OSBPL5: variants seen among roughly 807,000 people sequenced by gnomAD.
OSBPL5 encodes the protein oxysterol-binding protein-related protein 5.
OSBPL5 carries 71 observed loss-of-function variants against 111.2 expected under a neutral mutation model. That is an observed-to-expected ratio of 0.64 (90% CI 0.53 to 0.78). OSBPL5 has a LOEUF of 0.78. Ranked by LOEUF, OSBPL5 falls within the 30% of genes least tolerant of loss-of-function variation. The probability of loss-of-function intolerance (pLI) is 0.00; values close to 1 mark genes in which losing one functional copy is unlikely to be tolerated. For synonymous variants in OSBPL5, 549 were observed against 513.9 expected, an observed-to-expected ratio of 1.07 and a Z score of -0.93; for missense variants, 1,210 against 1,189.3, an observed-to-expected ratio of 1.02 and a Z score of -0.26.
rs1254724973 is a variant in OSBPL5 at position 3,146,812 on chromosome 11, G to C, written c.-21-17643C>G. Among the ~76,000 whole-genome samples the C allele has an allele frequency of 6.6e-6, 1 of 152,116 alleles. No homozygotes were observed. Among genetic ancestry groups the C allele is most frequent in the Non-Finnish European group, 1.5e-5 (1 of 68,010 alleles). ...GCCTGGCACAGGGCAGCAGACTGCAGGGTCCCTGGCAGCCAGATCCCCTTC... is the reference window on the plus strand; with the variant it reads ...GCCTGGCACAGGGCAGCAGACTGCACGGTCCCTGGCAGCCAGATCCCCTTC... On this transcript the variant is annotated intron_variant, in intron 1 of 21. Coordinates refer to ENST00000263650, the MANE Select transcript of OSBPL5 (RefSeq NM_020896.4). The surrounding 1 kb of genome is among the most constrained non-coding windows in gnomAD (Gnocchi z 7.8).
chr11:3,148,902 G>C (rs77422413), intron 1 of OSBPL5, among the ~76,000 whole-genome samples: 1 of 152,236 alleles, frequency 6.6e-6, no homozygotes, highest in Non-Finnish European at 1.5e-5. Context: ...AGGGGATTAA[G>C]ACTCAGGATG....
At chr11:3,143,345 G>T (rs943109780) in intron 1 of OSBPL5, among the ~76,000 whole-genome samples, 2 of 152,108 alleles carry the variant, frequency 1.3e-5, no homozygotes, top group African/African-American at 4.8e-5. Flanking sequence ...GGGCGAAAAC[G>T]CACGGACGCG....
rs1427518187 is a variant in OSBPL5, at chr11:3,130,251, C to A, written c.-21-1082G>T. 6.6e-6 allele frequency among the ~76,000 whole-genome samples: 1 copy of A among 152,232 alleles called. No homozygotes were observed. The highest frequency in any genetic ancestry group is 2.4e-5 in the African/African-American group (1 of 41,460). On this transcript the variant is annotated intron_variant, in intron 1 of 21. Transcript: ENST00000263650. The surrounding 1 kb of genome is among the most constrained non-coding windows in gnomAD (Gnocchi z 4.5). ...TCCCCTCCAGCTTCTCATCTTGTGT[C>A]CACTTCCCAAGGGCGAGCTCCTTAA...
chr11:3,107,139 G>A lies in OSBPL5; in HGVS notation c.1059+124C>T. ...CTCCTGGACTCACTGCCAAGTGATG[G>A]GGACAAAAGCTACCCCCTGGGCCCT... On this transcript the variant is annotated intron_variant, in intron 9 of 21. Coordinates refer to ENST00000263650, the MANE Select transcript of OSBPL5 (RefSeq NM_020896.4). This position sits in a 1 kb window ranked among gnomAD's most constrained non-coding sequence, Gnocchi z 6.1. 5.8e-6 allele frequency: 6 copies of A among 1,028,554 alleles called. No homozygotes were observed. In the South Asian group the frequency reaches 8.2e-5, roughly 14 times the overall value. The allele number at this position is 1,028,554 out of a possible 1,614,324, so 63.7% of individuals were successfully genotyped here. A position where few individuals can be genotyped will look rare whatever the true frequency, so the allele number is the denominator to read the frequency against.
intron 4 of OSBPL5, 111 bp from the exon 5 acceptor site, chr11:3,122,209 A>G: frequency 7.6e-7 from 1 of 1,318,856 alleles, no homozygotes; most frequent in African/African-American, 1.5e-5. Context: ...GAGAGGAAGT[A>G]GGAGGAAGTA....
chr11:3,159,612 G>A (rs532401224), intron 1 of OSBPL5, among the ~76,000 whole-genome samples: 2 of 152,346 alleles, frequency 1.3e-5, no homozygotes, highest in African/African-American at 2.4e-5. Context: ...TGGGACCAAT[G>A]CCAAGTTCAG....
At chr11:3,111,705 G>A (rs1304016656) in intron 7 of OSBPL5, among the ~76,000 whole-genome samples, 1 of 151,538 alleles carries the variant, frequency 6.6e-6, no homozygotes, top group Non-Finnish European at 1.5e-5. Flanking sequence ...GTGGCGTGAT[G>A]GGGGGAGAAA....
At position 3,121,202 on chromosome 11, in the gene OSBPL5, C is replaced by T. The variant is rs758617137; in HGVS notation, c.403-578G>A. Among the ~76,000 whole-genome samples, 7 of 151,852 alleles carry T rather than the reference C, an allele frequency of 4.6e-5. No homozygotes were observed. Among genetic ancestry groups the T allele is most frequent in the Non-Finnish European group, 1.0e-4 (7 of 67,956 alleles). On this transcript the variant is annotated intron_variant, in intron 5 of 21. Coordinates refer to ENST00000263650, the MANE Select transcript of OSBPL5 (RefSeq NM_020896.4). This position sits in a 1 kb window ranked among gnomAD's most constrained non-coding sequence, Gnocchi z 4.3. ...CCGCCCGAGTAGCTGGGATTACAGG[C>T]GCCCGCCACCATGCCTGGCTAATTT... is the stretch of plus-strand genomic sequence containing the variant.
intron 2 of OSBPL5, among the ~76,000 whole-genome samples, chr11:3,127,400 C>T (rs1858664895): frequency 2.6e-5 from 4 of 152,242 alleles, no homozygotes; most frequent in Non-Finnish European, 4.4e-5. Context: ...GGTCTATAGC[C>T]GTCCTTCCCT....
At chr11:3,128,658 G>C (rs1196595082) in intron 2 of OSBPL5, among the ~76,000 whole-genome samples, 2 of 152,066 alleles carry the variant, frequency 1.3e-5, no homozygotes, top group African/African-American at 4.8e-5. Flanking sequence ...CAAGTAGCTG[G>C]CCTGGGGTTA....
At chr11:3,093,106 G>A in intron 17 of OSBPL5, 54 bp from the exon 18 acceptor site, 2 of 1,446,452 alleles carry the variant, frequency 1.4e-6, no homozygotes, top group South Asian at 1.4e-5. Context: ...CGACCCCTAG[G>A]CAGCTAGGAA....
intron 1 of OSBPL5, among the ~76,000 whole-genome samples, chr11:3,160,329 G>C (rs1846917558): frequency 6.6e-6 from 1 of 152,200 alleles, no homozygotes; most frequent in Admixed American, 6.5e-5. Context: ...AGGACGCCTG[G>C]ACCCTTTAAA....
intron 14 of OSBPL5, 110 bp from the exon 15 acceptor site, chr11:3,094,444 C>G: frequency 1.2e-6 from 1 of 806,904 alleles, no homozygotes; most frequent in Non-Finnish European, 2.0e-6. Context: ...CCCAGCAGCA[C>G]CGATCCCTGG....
At chr11:3,131,927 G>GTCCATCCA (rs532838844) in intron 1 of OSBPL5, among the ~76,000 whole-genome samples, 1 of 23,452 alleles carries the variant, frequency 4.3e-5, no homozygotes, top group East Asian at 1.7e-3. Flanking sequence ...CCATCCTCCT[G>GTCCATCCA]TCCATCCATC....
At chr11:3,095,241 G>A (rs1857213305) in intron 14 of OSBPL5, among the ~76,000 whole-genome samples, 1 of 150,766 alleles carries the variant, frequency 6.6e-6, no homozygotes. Flanking sequence ...GGCCCAGGAG[G>A]CGGAGGTTGT....
chr11:3,088,481 G>T, intron 21 of OSBPL5, 138 bp from the exon 22 acceptor site: 1 of 1,024,536 alleles, frequency 9.8e-7, no homozygotes, highest in Non-Finnish European at 1.3e-6. Context: ...CCCTCCAGGG[G>T]CAACAGAGCG....
Position 3,107,823 on chromosome 11 carries a change from G to A in OSBPL5, c.814C>T (p.Leu272Phe), listed in dbSNP as rs1857763033. The change falls in exon 8 of 22, where the codon CTC (leucine) becomes TTC (phenylalanine). Residue 272 changes from leucine (L) to phenylalanine (F), a missense_variant. Leu to Phe is a conservative substitution (Grantham distance 22). Transcript: ENST00000263650. This position sits in a 1 kb window ranked among gnomAD's most constrained non-coding sequence, Gnocchi z 6.1. ...GTSPDASPSS[L>F]CGLPASATVH... ...GTGGCTGAGGCTGGCAGCCCACAGA[G>A]CGATGAGGGTGATGCGTCTGGCGAG... The A allele has an allele frequency of 6.2e-7, 1 of 1,612,512 alleles. No homozygotes were observed. The highest frequency in any genetic ancestry group is 1.1e-5 in the South Asian group (1 of 91,086).
rs573198377 is a variant in OSBPL5 at position 3,139,392 on chromosome 11, G to A, written c.-21-10223C>T. On this transcript the variant is annotated intron_variant, in intron 1 of 21. Coordinates refer to ENST00000263650, the MANE Select transcript of OSBPL5 (RefSeq NM_020896.4). ...TGTTGCCAGTGCTCTGTGGGGCCAC[G>A]AGCAACCTGCCAGGATGATGGGGGA... Among the ~76,000 whole-genome samples, 28 of 152,300 alleles carry A rather than the reference G, an allele frequency of 1.8e-4. No individual in the cohort carries two copies. The East Asian group carries it at 5.4e-3, about 29-fold the overall frequency.
rs924642518 is a variant in OSBPL5, at chr11:3,140,673, C to T, written c.-21-11504G>A. On this transcript the variant is annotated intron_variant, in intron 1 of 21. Coordinates refer to ENST00000263650, the MANE Select transcript of OSBPL5 (RefSeq NM_020896.4). The surrounding 1 kb of genome is among the most constrained non-coding windows in gnomAD (Gnocchi z 4.5). ...CCTCTGTCCCCCAGCTCACATTACC[C>T]AGGACTGGCTGTAGGAGCCTTGTTT... Among the ~76,000 whole-genome samples the T allele has an allele frequency of 1.3e-5, 2 of 152,222 alleles. No homozygotes were observed. Among genetic ancestry groups the T allele is most frequent in the Admixed American group, 6.5e-5 (1 of 15,288 alleles).
Sources: gnomAD v4.1 joint callset for allele counts (sites outside exome capture counted in the v4.1 genomes callset) on GRCh38, gnomAD v4.1.1 for gene constraint, Gnocchi (gnomAD v3.1) non-coding constraint, MANE v1.5 for transcripts, NCBI Gene and HGNC (gene_info 2026-07-23, HGNC 2026-07-21) for gene names.